The following CTNNA2 variants were observed in gnomAD, a reference collection of about 807,000 sequenced individuals.
The protein encoded by CTNNA2 is catenin alpha-2.
In CTNNA2, 42 loss-of-function variants were observed where a neutral mutation model predicts 101.0. That is an observed-to-expected ratio of 0.42 (90% confidence interval 0.32 to 0.54). The LOEUF (loss-of-function observed/expected upper bound fraction) is 0.54, where lower values mean the gene tolerates loss of function less well. CTNNA2 is among the 20% of genes least tolerant of loss of function. CTNNA2 has a pLI of 0.14. For missense variants in CTNNA2, 871 were observed against 1,223.1 expected (o/e 0.71, Z 4.29); for synonymous variants, 450 against 456.4 (o/e 0.99, Z 0.18).
chr2:79,837,632 A>G (rs556410788), intron 3 of CTNNA2, among the ~76,000 whole-genome samples: 184 of 152,134 alleles, frequency 1.2e-3, no homozygotes, highest in Middle Eastern at 3.4e-3. Flanking sequence ...ATATGTGGAG[A>G]GGTGTCAGCG....
At chr2:79,311,830 T>G (rs1036560224) in intron 2 of CTNNA2, among the ~76,000 whole-genome samples, 6 of 152,332 alleles carry the variant, frequency 3.9e-5, no homozygotes, top group African/African-American at 1.4e-4. Flanking sequence ...ATTAATGTGG[T>G]CAGTCTTTTC....
Position 80,111,132 on chromosome 2 carries a change from C to T in CTNNA2, c.1056+201335C>T, listed in dbSNP as rs1158931164. On this transcript the variant is annotated intron_variant, in intron 7 of 18. Coordinates refer to ENST00000402739, the MANE Select transcript of CTNNA2 (RefSeq NM_001282597.3). ...AACAGGAGCATGGGGGTAACTGCCC[C>T]CATGATTCAATTACCTCCCACCGGT... is the stretch of plus-strand genomic sequence containing the variant. 4.6e-5 allele frequency among the ~76,000 whole-genome samples: 7 copies of T among 152,084 alleles called. No homozygotes were observed. The East Asian group carries it at 7.7e-4, about 17-fold the overall frequency.
intron 2 of CTNNA2, among the ~76,000 whole-genome samples, chr2:79,252,045 G>C (rs967191549): frequency 1.3e-5 from 2 of 152,156 alleles, no homozygotes; most frequent in Non-Finnish European, 2.9e-5. Context: ...ATTCAACACA[G>C]ATCAAACACA....
intron 2 of CTNNA2, among the ~76,000 whole-genome samples, chr2:79,308,176 C>G (rs1049091011): frequency 1.3e-5 from 2 of 152,098 alleles, no homozygotes; most frequent in Middle Eastern, 3.2e-3. Context: ...TTCTGAGTAC[C>G]TGGGATTACA....
chr2:79,691,475 A>G (rs1684294798), intron 2 of CTNNA2, among the ~76,000 whole-genome samples: 2 of 151,968 alleles, frequency 1.3e-5, no homozygotes, highest in African/African-American at 4.8e-5. Context: ...CTCCAATTAA[A>G]AGACAGACTT....
At chr2:79,854,898 T>C (rs1681008398) in intron 3 of CTNNA2, among the ~76,000 whole-genome samples, 1 of 152,172 alleles carries the variant, frequency 6.6e-6, no homozygotes, top group South Asian at 2.1e-4. Context: ...AAAAAGCACT[T>C]TTCTCTACAT....
At chr2:80,114,736 CA>C (rs1426623484) in intron 7 of CTNNA2, among the ~76,000 whole-genome samples, 1 of 152,182 alleles carries the variant, frequency 6.6e-6, no homozygotes, top group Non-Finnish European at 1.5e-5. Context: ...CCTACCTTCT[CA>C]AAGGATGGCT....
rs536206590 is a variant in CTNNA2, at chr2:79,542,655, T to A, written c.-6+29448T>A. On this transcript the variant is annotated intron_variant, in intron 1 of 18. Transcript: ENST00000402739. ...AGGATTAAAGATAATGCACATAAAG[T>A]TTATAGCGTAGTACCTTAAACACTA... 4.6e-5 allele frequency among the ~76,000 whole-genome samples: 7 copies of A among 152,272 alleles called. No homozygotes were observed. In the South Asian group the frequency reaches 1.5e-3, roughly 32 times the overall value.
At chr2:80,007,361 G>T (rs1479768298) in intron 7 of CTNNA2, among the ~76,000 whole-genome samples, 2 of 152,080 alleles carry the variant, frequency 1.3e-5, no homozygotes, top group Non-Finnish European at 2.9e-5. Context: ...CTAACTTGAA[G>T]ATATTATAAA....
intron 4 of CTNNA2, among the ~76,000 whole-genome samples, chr2:79,867,321 G>A (rs116160764): frequency 0.019 from 2,586 of 139,532 alleles, 78 homozygotes; most frequent in African/African-American, 0.066. Flanking sequence ...CTTTTTCTAC[G>A]TCCCTTCAAT....
chr2:80,150,103 T>C (rs1703601006), intron 7 of CTNNA2, among the ~76,000 whole-genome samples: 1 of 152,162 alleles, frequency 6.6e-6, no homozygotes, highest in Non-Finnish European at 1.5e-5. Context: ...TGCCACACTG[T>C]GGAAAATCTT....
chr2:80,046,083 T>C (rs1042684518), intron 7 of CTNNA2, among the ~76,000 whole-genome samples: 15 of 152,200 alleles, frequency 9.9e-5, no homozygotes, highest in Admixed American at 7.2e-4. Flanking sequence ...AATCTGCCCT[T>C]TCCTCTGCAT....
At chr2:80,301,279 T>C (rs917509607) in intron 7 of CTNNA2, among the ~76,000 whole-genome samples, 1 of 152,210 alleles carries the variant, frequency 6.6e-6, no homozygotes, top group African/African-American at 2.4e-5. Context: ...CTTTCAGCCC[T>C]AAACATCGGG....
chr2:79,572,438 CTTT>C (rs1008824784), intron 1 of CTNNA2, among the ~76,000 whole-genome samples: 33 of 152,124 alleles, frequency 2.2e-4, no homozygotes, highest in African/African-American at 7.0e-4. Context: ...CTGCCCTGGG[CTTT>C]AGTTTCCTCA....
At chr2:79,463,985 GTT>G (rs35795985) in intron 4 of CTNNA2, among the ~76,000 whole-genome samples, 13 of 148,576 alleles carry the variant, frequency 8.7e-5, no homozygotes, top group South Asian at 2.1e-4. Context: ...CTTAAAGAAA[GTT>G]TTTTTTTTTT....
intron 5 of CTNNA2, among the ~76,000 whole-genome samples, chr2:79,506,451 C>G (rs1221347811): frequency 1.3e-5 from 2 of 152,200 alleles, no homozygotes; most frequent in Middle Eastern, 6.8e-3. Context: ...TGGAGTCAGA[C>G]TGCATAGGCT....
intron 7 of CTNNA2, among the ~76,000 whole-genome samples, chr2:80,233,606 C>T (rs1709380495): frequency 6.6e-6 from 1 of 152,104 alleles, no homozygotes; most frequent in African/African-American, 2.4e-5. Flanking sequence ...CAGACTAAAA[C>T]TTAATTATAT....
chr2:80,612,290 A>T (rs1462491874), intron 17 of CTNNA2, among the ~76,000 whole-genome samples: 1 of 151,520 alleles, frequency 6.6e-6, no homozygotes, highest in Non-Finnish European at 1.5e-5. Context: ...TATTTTAAAA[A>T]ATTGGACTCT....
chr2:80,211,705 T>G (rs1707901208), intron 7 of CTNNA2, among the ~76,000 whole-genome samples: 1 of 152,230 alleles, frequency 6.6e-6, no homozygotes, highest in Non-Finnish European at 1.5e-5. Flanking sequence ...TGTGGGCTCT[T>G]TTTTGGTTCC....
Sources: allele counts gnomAD v4.1 joint callset (sites outside exome capture counted in the v4.1 genomes callset), GRCh38; gene constraint gnomAD v4.1.1; transcripts MANE v1.5; gene names NCBI Gene and HGNC (gene_info 2026-07-23, HGNC 2026-07-21).